ZSCAN21: variants seen among roughly 807,000 people sequenced by gnomAD.
The protein encoded by ZSCAN21 is zinc finger and SCAN domain containing 21.
ZSCAN21 carries 26 observed loss-of-function variants against 35.6 expected under a neutral mutation model. The ratio of observed to expected loss-of-function variants is 0.73; its 90% confidence interval spans 0.54 to 1.01. ZSCAN21 has a LOEUF of 1.01. ZSCAN21 is among the 50% of genes least tolerant of loss of function. The pLI is 0.00. For synonymous variants in ZSCAN21, 219 were observed against 219.3 expected (o/e 1.00, Z 0.01); for missense variants, 593 against 587.1 (o/e 1.01, Z -0.10).
At position 100,057,745 on chromosome 7, in the gene ZSCAN21, C is replaced by A. The variant is rs751963381; in HGVS notation, c.447C>A (p.Ser149=). 1.2e-5 allele frequency: 19 copies of A among 1,613,728 alleles called. No individual in the cohort carries two copies. The highest frequency in any genetic ancestry group is 1.1e-4 in the African/African-American group (8 of 74,902). The change falls in exon 3 of 4, where the codon TCC becomes TCA. Residue 149 remains serine (S), a synonymous_variant. Transcript: ENST00000292450. ...NEQKPVWEKI[S]SSGTAKESPS... ...AGAAACCGGTGTGGGAGAAGATATC[C>A]TCCTCAGGAACTGCAAAGGAATCCC...
In ZSCAN21 at chr7:100,051,178, C is replaced by CAAAAAAAAAAAAAAAAAAAAA. The variant is rs369246193; in HGVS notation, c.-97+1342_-97+1362dup. On this transcript the variant is annotated intron_variant, in intron 1 of 3. Transcript: ENST00000292450. ...GGGAAACAAGAGTGAAACTACGTCT[C>CAAAAAAAAAAAAAAAAAAAAA]AAAAAAAAAAAAAAAAAAAAAAAAA... is the stretch of plus-strand genomic sequence containing the variant. Among the ~76,000 whole-genome samples, 118 of 41,354 alleles carry CAAAAAAAAAAAAAAAAAAAAA rather than the reference C, an allele frequency of 2.9e-3. 4 individuals carry two copies. The highest frequency in any genetic ancestry group is 3.2e-3 in the Non-Finnish European group (75 of 23,120). The allele number at this position is 41,354 out of a possible 152,430, so 27.1% of individuals were successfully genotyped here.
intron 1 of ZSCAN21, 120 bp from the exon 2 acceptor site, chr7:100,056,791 T>G: frequency 1.1e-5 from 5 of 472,638 alleles, no homozygotes; most frequent in Non-Finnish European, 1.5e-5. Context: ...GAGCAGTTGT[T>G]TTTGTATGGT....
At chr7:100,052,882 ACT>A (rs1791933993) in intron 1 of ZSCAN21, among the ~76,000 whole-genome samples, 1 of 151,798 alleles carries the variant, frequency 6.6e-6, no homozygotes, top group Non-Finnish European at 1.5e-5. Flanking sequence ...TAATCCCAGC[ACT>A]CTGCGAGGCC....
rs574887763 is a variant in ZSCAN21 at position 100,055,347 on chromosome 7, C to A, written c.-96-1564C>A. Among the ~76,000 whole-genome samples the A allele has an allele frequency of 2.0e-5, 3 of 151,868 alleles. No individual in the cohort carries two copies. In the East Asian group the frequency reaches 5.8e-4, roughly 30 times the overall value. Reference sequence around the variant, plus strand: ...TGGCGCGATCTCGGCTCATTGCAACCTCTGCCTCCCATGTTCAGGGGATTC... The same window carrying A: ...TGGCGCGATCTCGGCTCATTGCAACATCTGCCTCCCATGTTCAGGGGATTC... On this transcript the variant is annotated intron_variant, in intron 1 of 3. Transcript: ENST00000292450.
intron 1 of ZSCAN21, among the ~76,000 whole-genome samples, chr7:100,051,178 CAAA>C (rs369246193): frequency 0.035 from 1,451 of 41,084 alleles, 5 homozygotes; most frequent in East Asian, 0.093. Context: ...AACTACGTCT[CAAA>C]AAAAAAAAAA....
At chr7:100,050,201 ACGCAAGGCT>A (rs1226457358) in intron 1 of ZSCAN21, among the ~76,000 whole-genome samples, 1 of 152,118 alleles carries the variant, frequency 6.6e-6, no homozygotes, top group Non-Finnish European at 1.5e-5. Flanking sequence ...GGAGGTCCGA[ACGCAAGGCT>A]CATTGATGGC....
intron 3 of ZSCAN21, among the ~76,000 whole-genome samples, chr7:100,061,561 C>T (rs1348574742): frequency 1.3e-5 from 2 of 152,196 alleles, no homozygotes; most frequent in African/African-American, 4.8e-5. Flanking sequence ...CTGTCCCACA[C>T]ATGTAGTCCA....
chr7:100,063,792 C>T lies in ZSCAN21; in HGVS notation c.597C>T (p.Cys199=). The change falls in exon 4 of 4, where the codon TGC becomes TGT. Residue 199 remains cysteine (C), a synonymous_variant. Transcript: ENST00000292450. ...FAQDPRKVRD[C]RLSTQHEESA... ...TTAATCTGCTTATTGTTTCAGATTG[C>T]AGATTGAGTACCCAGCACGAGGAAT... is the stretch of plus-strand genomic sequence containing the variant. The T allele has an allele frequency of 1.3e-6, 2 of 1,599,976 alleles. No individual in the cohort carries two copies. Among genetic ancestry groups the T allele is most frequent in the Non-Finnish European group, 1.7e-6 (2 of 1,174,858 alleles).
intron 3 of ZSCAN21, among the ~76,000 whole-genome samples, chr7:100,062,127 C>G (rs1432815018): frequency 2.6e-5 from 4 of 152,044 alleles, no homozygotes; most frequent in South Asian, 2.1e-4. Context: ...TCAGAATGCC[C>G]TCTGATTGCT....
At chr7:100,059,097 A>G (rs1015121730) in intron 3 of ZSCAN21, among the ~76,000 whole-genome samples, 5 of 152,158 alleles carry the variant, frequency 3.3e-5, no homozygotes, top group African/African-American at 1.2e-4. Flanking sequence ...GTAGACCACT[A>G]TTTATGTGTG....
At chr7:100,058,055 T>G (rs1402679534) in intron 3 of ZSCAN21, among the ~76,000 whole-genome samples, 165 bp downstream of exon 3, 1 of 152,208 alleles carries the variant, frequency 6.6e-6, no homozygotes, top group Non-Finnish European at 1.5e-5. Context: ...TAAGGCTGTC[T>G]TAACCTGGGC....
intron 1 of ZSCAN21, among the ~76,000 whole-genome samples, chr7:100,054,093 T>C (rs918528700): frequency 5.3e-5 from 8 of 152,024 alleles, no homozygotes; most frequent in Admixed American, 4.6e-4. Context: ...GCTCAGGCCT[T>C]TGTTTTAGTA....
At chr7:100,053,545 A>ACATACATACATACATACATACAT (rs1554357976) in intron 1 of ZSCAN21, among the ~76,000 whole-genome samples, 1 of 130,380 alleles carries the variant, frequency 7.7e-6, no homozygotes, top group Non-Finnish European at 1.6e-5. Flanking sequence ...ATACATACAT[A>ACATACATACATACATACATACAT]ATTTTTTTTT....
intron 3 of ZSCAN21, among the ~76,000 whole-genome samples, chr7:100,060,583 C>T (rs371437360): frequency 7.9e-4 from 119 of 150,194 alleles, no homozygotes; most frequent in African/African-American, 2.8e-3. Flanking sequence ...AAAAACCAGA[C>T]TGGCTGGGCA....
intron 1 of ZSCAN21, among the ~76,000 whole-genome samples, chr7:100,050,414 A>G (rs1172901047): frequency 1.3e-5 from 2 of 152,190 alleles, no homozygotes; most frequent in Admixed American, 1.3e-4. Flanking sequence ...TGTCAGGACA[A>G]AGTTGATTTG....
intron 1 of ZSCAN21, among the ~76,000 whole-genome samples, chr7:100,051,100 C>T (rs1043997163): frequency 4.8e-4 from 67 of 140,108 alleles, no homozygotes; most frequent in African/African-American, 1.7e-3. Flanking sequence ...ATCGCTTGAA[C>T]CTGGGAGGCA....
intron 3 of ZSCAN21, among the ~76,000 whole-genome samples, chr7:100,060,395 C>T (rs901377358): frequency 6.6e-6 from 1 of 152,086 alleles, no homozygotes; most frequent in African/African-American, 2.4e-5. Context: ...AACCCCATCT[C>T]TACTAAAAAT....
intron 3 of ZSCAN21, among the ~76,000 whole-genome samples, chr7:100,062,201 T>C (rs983820756): frequency 6.6e-6 from 1 of 152,146 alleles, no homozygotes; most frequent in Non-Finnish European, 1.5e-5. Context: ...TCATCCTTAA[T>C]TGTCCTTGTC....
chr7:100,050,307 C>T (rs1468592623), intron 1 of ZSCAN21, among the ~76,000 whole-genome samples: 1 of 152,004 alleles, frequency 6.6e-6, no homozygotes, highest in Non-Finnish European at 1.5e-5. Context: ...AGAAATAGTC[C>T]CCTCGGGCTT....
Sources: gnomAD v4.1 joint callset for allele counts (sites outside exome capture counted in the v4.1 genomes callset) on GRCh38, gnomAD v4.1.1 for gene constraint, MANE v1.5 for transcripts, NCBI Gene and HGNC (gene_info 2026-07-23, HGNC 2026-07-21) for gene names.